Variants in CRYBG3 observed in about 807,000 individuals in gnomAD.
CRYBG3 encodes the protein very large A-kinase anchor protein.
A neutral mutation model predicts 244.2 loss-of-function variants in CRYBG3; 127 were observed. The ratio of observed to expected loss-of-function variants is 0.52; its 90% CI spans 0.45 to 0.60. The LOEUF is 0.60. CRYBG3 is among the 20% of genes least tolerant of loss of function. The pLI is 0.00. For missense variants in CRYBG3, 3,325 were observed against 3,442.5 expected, an observed-to-expected ratio of 0.97 and a Z score of 0.85; for synonymous variants, 1,132 against 1,195.8, an observed-to-expected ratio of 0.95 and a Z score of 1.10.
rs761422396 is a variant in CRYBG3, at chr3:97,877,539, C to G, written c.6345C>G (p.Asp2115Glu). 2 of 1,614,068 alleles carry G rather than the reference C, an allele frequency of 1.2e-6. No individual in the cohort carries two copies. Among genetic ancestry groups the G allele is most frequent in the South Asian group, 1.1e-5 (1 of 91,082 alleles). ...ACCATGGCCCCAGGAAATCAAGAGA[C>G]AGTGAAAACCAGTCCTCTTCTGTTT... ...PGHHGPRKSR[D>E]SENQSSSVLS... Residue 2115 changes from aspartate to glutamate, a missense_variant, in exon 4 of 22, where the codon GAC becomes GAG. Coordinates refer to ENST00000389622, the MANE Select transcript of CRYBG3 (RefSeq NM_153605.4).
intron 7 of CRYBG3, among the ~76,000 whole-genome samples, chr3:97,885,313 C>A (rs2039495334): frequency 1.3e-5 from 2 of 152,072 alleles, no homozygotes; most frequent in African/African-American, 4.8e-5. Flanking sequence ...AAAAATCAGA[C>A]TATTATACTT....
intron 21 of CRYBG3, 119 bp downstream of exon 21, chr3:97,942,562 A>G (rs2040255636): frequency 1.0e-6 from 1 of 970,140 alleles, no homozygotes. Flanking sequence ...ATTTAAAATT[A>G]TGCTTGAAGA....
intron 19 of CRYBG3, among the ~76,000 whole-genome samples, chr3:97,939,201 A>G (rs1056349172): frequency 1.2e-4 from 18 of 152,018 alleles, no homozygotes; most frequent in African/African-American, 4.3e-4. Context: ...TTTTTTTAAC[A>G]AGAATAGTAT....
chr3:97,919,714 T>C (rs370113909), intron 17 of CRYBG3, among the ~76,000 whole-genome samples: 101 of 127,070 alleles, frequency 7.9e-4, no homozygotes, highest in African/African-American at 2.7e-3. Context: ...ATAAAATGAT[T>C]AAAAAAAAAA....
Position 97,912,148 on chromosome 3 carries a change from T to TG in CRYBG3, c.8005-18dup. The TG allele has an allele frequency of 7.3e-7, 1 of 1,375,860 alleles. No individual in the cohort carries two copies. The highest frequency in any genetic ancestry group is 1.0e-6 in the Non-Finnish European group (1 of 986,282). 85.2% of individuals were successfully genotyped at this position (1,375,860 alleles called of 1,614,324 possible). A position where few individuals can be genotyped will look rare whatever the true frequency, so the allele number is the denominator to read the frequency against. On this transcript the variant is annotated intron_variant, in intron 15 of 21. Coordinates refer to ENST00000389622, the MANE Select transcript of CRYBG3 (RefSeq NM_153605.4). The stretch of plus-strand genomic sequence containing the variant: ...GACCATTTTTTTTCTATTTAACTGT[T>TG]GTGTTGTTGTTCTTGTAGCTCAAAG...
chr3:97,914,477 A>G (rs191271056), intron 16 of CRYBG3, among the ~76,000 whole-genome samples: 2 of 152,328 alleles, frequency 1.3e-5, no homozygotes, highest in East Asian at 3.9e-4. Context: ...GAAACATACA[A>G]CAGCAGGATA....
At chr3:97,908,388 C>T (rs2039804486) in intron 15 of CRYBG3, among the ~76,000 whole-genome samples, 1 of 152,120 alleles carries the variant, frequency 6.6e-6, no homozygotes, top group Non-Finnish European at 1.5e-5. Context: ...GTCTAAGTCT[C>T]TTTTTAGGTC....
chr3:97,918,071 T>C lies in CRYBG3; in HGVS notation c.8241+2335T>C, dbSNP rs1201096233. Among the ~76,000 whole-genome samples, 5 of 152,224 alleles carry C rather than the reference T, an allele frequency of 3.3e-5. No homozygotes were observed. The South Asian group carries it at 8.3e-4, about 25-fold the overall frequency. ...TTCTGGATTCATTCCAGGAAATGTT[T>C]CTGTGTAATTAAGTTGACATTATGT... is the stretch of plus-strand genomic sequence containing the variant. On this transcript the variant is annotated intron_variant, in intron 17 of 21. Coordinates refer to ENST00000389622, the MANE Select transcript of CRYBG3 (RefSeq NM_153605.4).
chr3:97,840,112 A>T (rs1576512884), intron 1 of CRYBG3, among the ~76,000 whole-genome samples: 1 of 152,068 alleles, frequency 6.6e-6, no homozygotes, highest in East Asian at 2.0e-4. Flanking sequence ...GCTGTAAAGG[A>T]TTTAGAGTTG....
At position 97,889,387 on chromosome 3, in the gene CRYBG3, A is replaced by C. The variant is rs2039546031; in HGVS notation, c.7437A>C (p.Leu2479Phe). ...TGAAAGTGGAAATGCCCATGAACTT[A>C]AAGGTAAGTCTTGGACTGATTTTTG... Reference protein sequence around the residue: ...GGLKVEMPMNLKVIIYEKPHF... With the variant: ...GGLKVEMPMNFKVIIYEKPHF... The change falls in exon 10 of 22, where the codon TTA becomes TTC. Residue 2479 changes from leucine to phenylalanine, a missense_variant. Leu to Phe is a conservative substitution (Grantham distance 22). Around this residue, in one of 4 missense-constraint regions of CRYBG3, gnomAD observed 714 missense variants for 803.6 expected, o/e 0.89. Transcript: ENST00000389622. 6.2e-7 allele frequency: 1 copy of C among 1,608,924 alleles called. No individual in the cohort carries two copies. The highest frequency in any genetic ancestry group is 1.3e-5 in the African/African-American group (1 of 74,930).
At chr3:97,895,726 C>T (rs939634238) in intron 11 of CRYBG3, among the ~76,000 whole-genome samples, 1 of 152,176 alleles carries the variant, frequency 6.6e-6, no homozygotes, top group Non-Finnish European at 1.5e-5. Flanking sequence ...AAAAGCATTG[C>T]TTTGTTGCAG....
intron 17 of CRYBG3, among the ~76,000 whole-genome samples, chr3:97,931,602 C>T (rs2107096367): frequency 6.6e-6 from 1 of 152,196 alleles, no homozygotes; most frequent in African/African-American, 2.4e-5. Flanking sequence ...TGTTGGACAT[C>T]ACTGTTAAGA....
At chr3:97,913,504 A>G (rs1195546819) in intron 16 of CRYBG3, among the ~76,000 whole-genome samples, 2 of 152,232 alleles carry the variant, frequency 1.3e-5, no homozygotes, top group Non-Finnish European at 2.9e-5. Flanking sequence ...CTGCGTTCCA[A>G]TGAAACATTA....
chr3:97,856,115 G>T (rs935630442), intron 2 of CRYBG3, among the ~76,000 whole-genome samples: 1 of 152,016 alleles, frequency 6.6e-6, no homozygotes, highest in Admixed American at 6.6e-5. Flanking sequence ...CCATTTATAG[G>T]CCTATACCCC....
At chr3:97,839,436 G>A (rs768765353) in intron 1 of CRYBG3, among the ~76,000 whole-genome samples, 4 of 151,884 alleles carry the variant, frequency 2.6e-5, no homozygotes, top group Non-Finnish European at 5.9e-5. Context: ...AAATGACCTT[G>A]TTCTTGTTGA....
At chr3:97,879,569 C>T (rs867356154) in intron 4 of CRYBG3, 135 bp from the exon 5 acceptor site, 7 of 599,328 alleles carry the variant, frequency 1.2e-5, no homozygotes, top group Non-Finnish European at 2.1e-5. Context: ...TCACTTGTAT[C>T]GAGAGAAGCA....
chr3:97,920,506 T>C (rs1405109147), intron 17 of CRYBG3, among the ~76,000 whole-genome samples: 1 of 152,130 alleles, frequency 6.6e-6, no homozygotes, highest in Non-Finnish European at 1.5e-5. Flanking sequence ...GCTCTGTTTC[T>C]GTTGAAAGCA....
chr3:97,891,840 GAAGCTTCCCTGGGTGTTTTTCTGCTA>G (rs1034301814), intron 10 of CRYBG3, among the ~76,000 whole-genome samples: 7 of 152,148 alleles, frequency 4.6e-5, no homozygotes, highest in Admixed American at 6.6e-5. Flanking sequence ...ACTTTCTGGT[GAAGCTTCCCTGGGTGTTTTTCTGCTA>G]AAGCTTTGGC....
intron 2 of CRYBG3, among the ~76,000 whole-genome samples, chr3:97,847,078 A>G (rs766864392): frequency 2.2e-4 from 33 of 152,124 alleles, no homozygotes. Context: ...CACACTTCTA[A>G]ACAACCAGAT....
Sources: gnomAD v4.1 joint callset for allele counts (sites outside exome capture counted in the v4.1 genomes callset) on GRCh38, gnomAD v4.1.1 for gene constraint, gnomAD v4.1.1 regional missense constraint, MANE v1.5 for transcripts, NCBI Gene and HGNC (gene_info 2026-07-23, HGNC 2026-07-21) for gene names.